The following PTPRD variants were observed in gnomAD, a reference collection of about 807,000 sequenced individuals.
PTPRD encodes protein tyrosine phosphatase receptor type D.
A neutral mutation model predicts 214.5 loss-of-function variants in PTPRD; 34 were observed. That is an observed-to-expected ratio of 0.16 (90% CI 0.12 to 0.21). PTPRD has a LOEUF of 0.21. PTPRD is among the 10% of genes least tolerant of loss of function. The pLI, the probability that PTPRD is intolerant of heterozygous loss-of-function variation, is 1.00. For missense variants in PTPRD, 2,545 were observed against 2,398.7 expected (o/e 1.06, Z -1.27); for synonymous variants, 1,128 against 845.7 (o/e 1.33, Z -5.79).
intron 12 of PTPRD, among the ~76,000 whole-genome samples, chr9:8,693,185 TCCA>T (rs2097844522): frequency 6.6e-6 from 1 of 152,184 alleles, no homozygotes; most frequent in South Asian, 2.1e-4. Context: ...TGTCTCTCAG[TCCA>T]CCACCACAAC....
At chr9:10,171,579 C>T (rs1015361821) in intron 3 of PTPRD, among the ~76,000 whole-genome samples, 1 of 152,160 alleles carries the variant, frequency 6.6e-6, no homozygotes. Context: ...GCCTGGAGTG[C>T]AGCGGCGCAA....
chr9:9,751,674 T>C (rs2098521222), intron 6 of PTPRD, among the ~76,000 whole-genome samples: 1 of 152,056 alleles, frequency 6.6e-6, no homozygotes, highest in African/African-American at 2.4e-5. Flanking sequence ...CATGTGAAGA[T>C]GAAGACAGAG....
intron 14 of PTPRD, among the ~76,000 whole-genome samples, chr9:8,591,009 C>T (rs140535308): frequency 6.6e-6 from 1 of 152,252 alleles, no homozygotes; most frequent in East Asian, 1.9e-4. Flanking sequence ...TTTCTAGAGG[C>T]TGCCCACATT....
intron 10 of PTPRD, among the ~76,000 whole-genome samples, chr9:9,167,963 T>C (rs896100089): frequency 6.6e-6 from 1 of 152,192 alleles, no homozygotes; most frequent in Non-Finnish European, 1.5e-5. Flanking sequence ...CCTATCTTTC[T>C]GTGGGGTCCT....
chr9:10,071,788 G>A lies in PTPRD; in HGVS notation c.-544-37998C>T, dbSNP rs150368833. 7.7e-4 allele frequency among the ~76,000 whole-genome samples: 116 copies of A among 151,550 alleles called. 2 individuals are homozygous for A. In the South Asian group the frequency reaches 0.022, roughly 29 times the overall value. On this transcript the variant is annotated intron_variant, in intron 3 of 45. Coordinates refer to ENST00000381196, the MANE Select transcript of PTPRD (RefSeq NM_002839.4). ...GTAATGACTCATATTCTTAGTTTCAGGGAAAAAAAACAGAGATAATCAATG... is the reference window on the plus strand; with the variant it reads ...GTAATGACTCATATTCTTAGTTTCAAGGAAAAAAAACAGAGATAATCAATG...
intron 7 of PTPRD, among the ~76,000 whole-genome samples, chr9:9,575,779 GAAAAAGAA>G (rs1563799659): frequency 2.5e-4 from 25 of 101,440 alleles, no homozygotes; most frequent in African/African-American, 9.5e-4. Flanking sequence ...GAAAAAGAAA[GAAAAAGAA>G]AAAAAAAAAT....
At chr9:9,988,019 A>G (rs954346159) in intron 4 of PTPRD, among the ~76,000 whole-genome samples, 2 of 152,180 alleles carry the variant, frequency 1.3e-5, no homozygotes, top group Non-Finnish European at 2.9e-5. Flanking sequence ...AGAGATATCA[A>G]TAACAAAGAA....
chr9:8,967,705 T>C (rs77454927), intron 11 of PTPRD, among the ~76,000 whole-genome samples: 2,741 of 152,260 alleles, frequency 0.018, 85 homozygotes, highest in African/African-American at 0.061. Context: ...GAAATATACG[T>C]ATGTTATTTA....
chr9:10,524,516 G>GA (rs925098882), intron 2 of PTPRD, among the ~76,000 whole-genome samples: 30 of 148,250 alleles, frequency 2.0e-4, no homozygotes, highest in Middle Eastern at 3.5e-3. Flanking sequence ...ATATTTTTCA[G>GA]AAAAAAAAAA....
At chr9:8,445,803 G>C (rs749847663) in intron 34 of PTPRD, among the ~76,000 whole-genome samples, 6 of 152,182 alleles carry the variant, frequency 3.9e-5, no homozygotes, top group Non-Finnish European at 7.3e-5. Flanking sequence ...AGAAGGGGCT[G>C]GGTTGGTGAT....
chr9:9,278,949 T>C (rs1946658091), intron 9 of PTPRD, among the ~76,000 whole-genome samples: 2 of 151,336 alleles, frequency 1.3e-5, no homozygotes, highest in Admixed American at 1.3e-4. Context: ...CTCTTTTCTC[T>C]GCTCATTGTT....
chr9:9,254,568 T>C (rs4304375), intron 9 of PTPRD, among the ~76,000 whole-genome samples: 28,830 of 151,990 alleles, frequency 0.19, 3,325 homozygotes, highest in Non-Finnish European at 0.25. Flanking sequence ...AAATTATGTG[T>C]CAGTTAATAA....
chr9:8,349,572 A>AT (rs373884683), intron 39 of PTPRD, among the ~76,000 whole-genome samples: 22 of 152,278 alleles, frequency 1.4e-4, no homozygotes, highest in Middle Eastern at 6.8e-3. Flanking sequence ...TTGAAACATG[A>AT]TAAGAACAGC....
chr9:8,970,534 C>A (rs1461766536), intron 11 of PTPRD, among the ~76,000 whole-genome samples: 2 of 151,556 alleles, frequency 1.3e-5, no homozygotes, highest in Non-Finnish European at 1.5e-5. Context: ...TACAAGAATT[C>A]ATGAATTCTA....
At chr9:8,475,598 C>A (rs1452804124) in intron 30 of PTPRD, among the ~76,000 whole-genome samples, 1 of 152,074 alleles carries the variant, frequency 6.6e-6, no homozygotes, top group Non-Finnish European at 1.5e-5. Context: ...ACAAAAGTAC[C>A]CCCAATTTAC....
intron 11 of PTPRD, among the ~76,000 whole-genome samples, chr9:8,738,220 T>G (rs1375903883): frequency 6.6e-6 from 1 of 152,194 alleles, no homozygotes; most frequent in Non-Finnish European, 1.5e-5. Flanking sequence ...CGCACTTGCC[T>G]AAAAGCCTTA....
chr9:8,526,336 C>T (rs1017676362), intron 17 of PTPRD, among the ~76,000 whole-genome samples: 9 of 149,842 alleles, frequency 6.0e-5, no homozygotes, highest in Admixed American at 1.3e-4. Context: ...ACAGATGGTA[C>T]GCTGTGACTG....
At chr9:9,028,505 G>C (rs2099594551) in intron 10 of PTPRD, among the ~76,000 whole-genome samples, 1 of 151,912 alleles carries the variant, frequency 6.6e-6, no homozygotes, top group Admixed American at 6.6e-5. Flanking sequence ...AATTAAATTT[G>C]TGACAGTACA....
chr9:9,500,347 G>T (rs775952033), intron 8 of PTPRD, among the ~76,000 whole-genome samples: 1 of 152,088 alleles, frequency 6.6e-6, no homozygotes. Context: ...CCAGGGTAAT[G>T]ATTTTTGAAG....
Sources: allele counts gnomAD v4.1 joint callset (sites outside exome capture counted in the v4.1 genomes callset), GRCh38; gene constraint gnomAD v4.1.1; transcripts MANE v1.5; gene names NCBI Gene and HGNC (gene_info 2026-07-23, HGNC 2026-07-21).